The following LTBP1 variants were observed in gnomAD, a reference collection of about 807,000 sequenced individuals.
LTBP1 encodes the protein latent transforming growth factor beta binding protein 1, also known as latent-transforming growth factor beta-binding protein 1.
A neutral mutation model predicts 207.6 loss-of-function variants in LTBP1; 129 were observed. The observed-to-expected ratio is 0.62, with a 90% confidence interval of 0.54 to 0.72. The LOEUF (loss-of-function observed/expected upper bound fraction) is 0.72, where lower values mean the gene tolerates loss of function less well. LTBP1 is among the 30% of genes least tolerant of loss of function. The pLI, the probability that LTBP1 is intolerant of heterozygous loss-of-function variation, is 0.00. For missense variants in LTBP1, 2,281 were observed against 2,217.2 expected (o/e 1.03, Z -0.58); for synonymous variants, 963 against 833.7 (o/e 1.16, Z -2.67).
rs1202703427 is a variant in LTBP1 at position 33,398,506 on chromosome 2, T to A, written c.5127T>A (p.Asn1709Lys). Residue 1709 changes from asparagine to lysine, a missense_variant, in exon 34 of 34, where the codon AAT becomes AAA. By Grantham distance (94) the Asn-to-Lys change is moderately conservative. Coordinates refer to ENST00000404816, the MANE Select transcript of LTBP1 (RefSeq NM_206943.4). ...SDKPNYCTPL[N>K]TALNLEKDSD... ...AGCCAAACTACTGCACTCCGTTGAATACCGCCTTGAATTTAGAGAAAGACA... is the reference window on the plus strand; with the variant it reads ...AGCCAAACTACTGCACTCCGTTGAAAACCGCCTTGAATTTAGAGAAAGACA... 3 of 1,614,166 alleles carry A rather than the reference T, an allele frequency of 1.9e-6. No individual in the cohort carries two copies. The highest frequency in any genetic ancestry group is 2.5e-6 in the Non-Finnish European group (3 of 1,179,996).
At chr2:33,287,781 T>C (rs2093693717) in intron 19 of LTBP1, among the ~76,000 whole-genome samples, 1 of 152,248 alleles carries the variant, frequency 6.6e-6, no homozygotes, top group South Asian at 2.1e-4. Context: ...CTGCTGCTAC[T>C]ACCACATATT....
chr2:33,104,759 A>G (rs2079957584), intron 3 of LTBP1, among the ~76,000 whole-genome samples: 1 of 152,178 alleles, frequency 6.6e-6, no homozygotes, highest in South Asian at 2.1e-4. Context: ...TCCTAAACTC[A>G]GAGGCTTTTC....
intron 20 of LTBP1, among the ~76,000 whole-genome samples, chr2:33,295,135 A>G (rs970089922): frequency 5.3e-5 from 8 of 152,050 alleles, no homozygotes; most frequent in Non-Finnish European, 1.0e-4. Context: ...TTTATTTTAT[A>G]TACTTAACAT....
intron 27 of LTBP1, 106 bp from the exon 28 acceptor site, chr2:33,361,323 G>T (rs2094924836): frequency 6.8e-6 from 4 of 591,592 alleles, no homozygotes; most frequent in African/African-American, 5.7e-5. Flanking sequence ...TTATTTGCTG[G>T]AATTGCCTTA....
intron 30 of LTBP1, among the ~76,000 whole-genome samples, chr2:33,364,963 T>C (rs535737121): frequency 2.2e-4 from 33 of 152,268 alleles, no homozygotes; most frequent in African/African-American, 7.9e-4. Context: ...ATGAATCCAA[T>C]AGCTGTTACA....
chr2:32,951,905 A>G (rs1572784702), intron 2 of LTBP1, among the ~76,000 whole-genome samples: 1 of 152,218 alleles, frequency 6.6e-6, no homozygotes, highest in African/African-American at 2.4e-5. Context: ...ACACATAAGA[A>G]TACAAAAACC....
chr2:33,235,957 G>A (rs1462663008), intron 9 of LTBP1, among the ~76,000 whole-genome samples: 1 of 152,140 alleles, frequency 6.6e-6, no homozygotes, highest in Non-Finnish European at 1.5e-5. Flanking sequence ...AACGTAGATG[G>A]CGGGTTGATG....
At chr2:33,325,856 T>C (rs557167427) in intron 24 of LTBP1, among the ~76,000 whole-genome samples, 1 of 152,254 alleles carries the variant, frequency 6.6e-6, no homozygotes, top group South Asian at 2.1e-4. Flanking sequence ...GAAAGGTGGA[T>C]TTTGGGGGCT....
chr2:33,003,909 G>A (rs1367088999), intron 2 of LTBP1, among the ~76,000 whole-genome samples: 1 of 152,164 alleles, frequency 6.6e-6, no homozygotes, highest in Non-Finnish European at 1.5e-5. Flanking sequence ...AAGGACATCT[G>A]CCCAGCAACT....
chr2:33,307,762 GT>G (rs1415251297), intron 22 of LTBP1, among the ~76,000 whole-genome samples: 1 of 152,184 alleles, frequency 6.6e-6, no homozygotes, highest in Non-Finnish European at 1.5e-5. Flanking sequence ...TGTGTTTTAT[GT>G]TTTAGGGTCA....
chr2:33,082,431 ACTTTTT>A (rs1170019681), intron 3 of LTBP1, among the ~76,000 whole-genome samples: 3,654 of 116,010 alleles, frequency 0.031, 763 homozygotes, highest in East Asian at 0.24. Flanking sequence ...AGTATGACTC[ACTTTTT>A]TTTTTTTTTT....
intron 9 of LTBP1, among the ~76,000 whole-genome samples, chr2:33,228,716 T>TTTTTTTTTTTTTTTTTTTTTTTG (rs1339282755): frequency 1.4e-5 from 2 of 143,658 alleles, no homozygotes; most frequent in East Asian, 2.0e-4. Flanking sequence ...TTTTTTTTTT[T>TTTTTTTTTTTTTTTTTTTTTTTG]TTGAGATGGA....
chr2:33,273,800 G>T lies in LTBP1; in HGVS notation c.2743+19G>T. The stretch of plus-strand genomic sequence containing the variant: ...TGTGTGGGTAAGAGACAATTTGATT[G>T]ACTAAATTATTAAATATCAAACATT... On this transcript the variant is annotated intron_variant, in intron 16 of 33. Coordinates refer to ENST00000404816, the MANE Select transcript of LTBP1 (RefSeq NM_206943.4). 2 of 1,569,874 alleles carry T rather than the reference G, an allele frequency of 1.3e-6. No individual in the cohort carries two copies. The highest frequency in any genetic ancestry group is 1.2e-5 in the South Asian group (1 of 82,952).
chr2:33,383,604 G>T (rs1401173044), intron 31 of LTBP1, among the ~76,000 whole-genome samples: 1 of 151,984 alleles, frequency 6.6e-6, no homozygotes. Flanking sequence ...ACTCTGCTCA[G>T]GCTGGAGTGC....
intron 23 of LTBP1, among the ~76,000 whole-genome samples, chr2:33,312,982 T>C (rs578044409): frequency 6.6e-6 from 1 of 152,056 alleles, no homozygotes; most frequent in Non-Finnish European, 1.5e-5. Flanking sequence ...GGGCAGCAGG[T>C]TGGAAATAAA....
intron 10 of LTBP1, among the ~76,000 whole-genome samples, chr2:33,249,995 C>G (rs2092636187): frequency 6.6e-6 from 1 of 152,262 alleles, no homozygotes; most frequent in South Asian, 2.1e-4. Context: ...ACGTAGTACA[C>G]TAATGTGTTA....
chr2:33,101,499 G>A (rs1253162274), intron 3 of LTBP1, among the ~76,000 whole-genome samples: 2 of 152,114 alleles, frequency 1.3e-5, no homozygotes, highest in Admixed American at 6.5e-5. Flanking sequence ...TTTGTGAGGC[G>A]ATGTTATTAC....
intron 2 of LTBP1, among the ~76,000 whole-genome samples, chr2:32,961,214 G>A (rs1258342383): frequency 2.0e-5 from 3 of 152,192 alleles, no homozygotes; most frequent in Admixed American, 6.5e-5. Flanking sequence ...CCTGCCTGGT[G>A]CCCAGATTGC....
intron 3 of LTBP1, among the ~76,000 whole-genome samples, chr2:33,106,839 G>T (rs2150210361): frequency 6.6e-6 from 1 of 152,342 alleles, no homozygotes; most frequent in Non-Finnish European, 1.5e-5. Context: ...GTCCTTTGAA[G>T]CTTTGAAGTC....
Sources: allele counts gnomAD v4.1 joint callset (sites outside exome capture counted in the v4.1 genomes callset), GRCh38; gene constraint gnomAD v4.1.1; transcripts MANE v1.5; gene names NCBI Gene and HGNC (gene_info 2026-07-23, HGNC 2026-07-21).